The following CNTNAP2 variants were observed in gnomAD, a reference collection of about 807,000 sequenced individuals.
CNTNAP2 encodes the protein contactin-associated protein-like 2.
In CNTNAP2, 98 loss-of-function variants were observed where a neutral mutation model predicts 155.2. The observed-to-expected ratio is 0.63, with a 90% CI of 0.54 to 0.75. CNTNAP2 has a LOEUF of 0.75. Ranked by LOEUF, CNTNAP2 falls within the 30% of genes least tolerant of loss-of-function variation. The probability of loss-of-function intolerance (pLI) is 0.00; values close to 1 mark genes in which losing one functional copy is unlikely to be tolerated. For synonymous variants in CNTNAP2, 651 were observed against 631.2 expected (o/e 1.03, Z -0.47); for missense variants, 1,727 against 1,688.1 (o/e 1.02, Z -0.40).
At chr7:146,542,009 A>T (rs1180686455) in intron 1 of CNTNAP2, among the ~76,000 whole-genome samples, 1 of 151,988 alleles carries the variant, frequency 6.6e-6, no homozygotes, top group Admixed American at 6.6e-5. Flanking sequence ...TAGCCATGAA[A>T]ATAAACATTT....
chr7:147,601,861 T>C (rs1376110744), intron 12 of CNTNAP2, among the ~76,000 whole-genome samples: 1 of 151,986 alleles, frequency 6.6e-6, no homozygotes, highest in African/African-American at 2.4e-5. Flanking sequence ...TCAATCTTTT[T>C]CTGTCTCTCT....
At chr7:147,128,275 A>G (rs1159114057) in intron 6 of CNTNAP2, among the ~76,000 whole-genome samples, 3 of 152,188 alleles carry the variant, frequency 2.0e-5, no homozygotes, top group African/African-American at 7.2e-5. Flanking sequence ...CAGTTTTATC[A>G]GCTTATTAAA....
chr7:147,351,118 C>T (rs1197100547), intron 9 of CNTNAP2, among the ~76,000 whole-genome samples: 1 of 151,558 alleles, frequency 6.6e-6, no homozygotes, highest in African/African-American at 2.4e-5. Flanking sequence ...ATTTTTTCTT[C>T]TTTGCAGTGT....
intron 13 of CNTNAP2, among the ~76,000 whole-genome samples, chr7:147,862,876 T>G (rs1398658975): frequency 6.6e-6 from 1 of 152,072 alleles, no homozygotes; most frequent in Non-Finnish European, 1.5e-5. Context: ...TCCAAAGGTA[T>G]TATCCAAGAA....
chr7:147,145,538 C>A (rs1402962722), intron 8 of CNTNAP2, among the ~76,000 whole-genome samples: 5 of 152,088 alleles, frequency 3.3e-5, no homozygotes, highest in Non-Finnish European at 7.4e-5. Flanking sequence ...AAGTTGAGTG[C>A]CCCAGAGGGA....
At chr7:148,251,724 C>T (rs1234998365) in intron 20 of CNTNAP2, among the ~76,000 whole-genome samples, 8 of 152,206 alleles carry the variant, frequency 5.3e-5, no homozygotes, top group Non-Finnish European at 1.2e-4. Context: ...AATGGTGGCT[C>T]CAGCAGGTTC....
rs1270530454 is a variant in CNTNAP2, at chr7:146,908,319, A to G, written c.402+68415A>G. ...AGCGGACCTAATAGACATCTACAGA[A>G]CTCTCCACCCCAAATCAACAGAATA... On this transcript the variant is annotated intron_variant, in intron 3 of 23. Transcript: ENST00000361727. Among the ~76,000 whole-genome samples the G allele has an allele frequency of 3.4e-5, 5 of 149,106 alleles. No homozygotes were observed. In the South Asian group the frequency reaches 1.1e-3, roughly 32 times the overall value.
chr7:146,839,616 C>T (rs931496853), intron 2 of CNTNAP2, 95 bp from the exon 3 acceptor site: 2 of 1,361,196 alleles, frequency 1.5e-6, no homozygotes, highest in Non-Finnish European at 2.1e-6. Flanking sequence ...AGAGCACTGC[C>T]AAGACCAATT....
intron 1 of CNTNAP2, among the ~76,000 whole-genome samples, chr7:146,351,184 ATAAAAT>A (rs1259922157): frequency 6.6e-6 from 1 of 152,140 alleles, no homozygotes; most frequent in African/African-American, 2.4e-5. Context: ...TATAATAATA[ATAAAAT>A]TAAAAAAAAT....
intron 1 of CNTNAP2, among the ~76,000 whole-genome samples, chr7:146,757,856 G>C (rs1340572965): frequency 6.6e-6 from 1 of 151,936 alleles, no homozygotes; most frequent in Non-Finnish European, 1.5e-5. Flanking sequence ...CTCATCTCTT[G>C]GTGGCTATAT....
intron 1 of CNTNAP2, among the ~76,000 whole-genome samples, chr7:146,304,808 A>G (rs1800679182): frequency 6.6e-6 from 1 of 152,042 alleles, no homozygotes; most frequent in South Asian, 2.1e-4. Context: ...CTAAATTTGA[A>G]TGTTGGCCTG....
rs139364136 is a variant in CNTNAP2, at chr7:148,051,374, T to C, written c.2384-66744T>C. ...GCGGGAGTTGGTTGTTAAGTGGCCA[T>C]CCGGAAGTTATGCAATATGTTTTCT... On this transcript the variant is annotated intron_variant, in intron 15 of 23. Coordinates refer to ENST00000361727, the MANE Select transcript of CNTNAP2 (RefSeq NM_014141.6). Among the ~76,000 whole-genome samples, 911 of 151,928 alleles carry C rather than the reference T, an allele frequency of 6.0e-3. 12 individuals carry two copies. The highest frequency in any genetic ancestry group is 0.021 in the African/African-American group (853 of 41,478).
intron 10 of CNTNAP2, among the ~76,000 whole-genome samples, chr7:147,449,691 T>A (rs1211369534): frequency 1.3e-5 from 2 of 152,164 alleles, no homozygotes; most frequent in East Asian, 3.8e-4. Flanking sequence ...CAGTTTGATT[T>A]AAGGTGGAAA....
intron 11 of CNTNAP2, among the ~76,000 whole-genome samples, chr7:147,552,155 TC>T (rs1799864503): frequency 1.3e-5 from 2 of 152,206 alleles, no homozygotes; most frequent in African/African-American, 4.8e-5. Context: ...TCTATGGCCT[TC>T]AGTTTTGGGC....
intron 4 of CNTNAP2, among the ~76,000 whole-genome samples, chr7:147,061,579 C>G (rs1445374034): frequency 1.3e-5 from 2 of 152,146 alleles, no homozygotes; most frequent in African/African-American, 4.8e-5. Context: ...TGTATACACT[C>G]ATGTGTTCCC....
At chr7:147,548,874 A>G (rs1446758727) in intron 11 of CNTNAP2, among the ~76,000 whole-genome samples, 1 of 152,110 alleles carries the variant, frequency 6.6e-6, no homozygotes, top group East Asian at 1.9e-4. Context: ...TCGTTTCCCC[A>G]TTGCTTGTTT....
intron 8 of CNTNAP2, among the ~76,000 whole-genome samples, chr7:147,161,086 G>A (rs1055355089): frequency 6.6e-6 from 1 of 152,118 alleles, no homozygotes; most frequent in African/African-American, 2.4e-5. Flanking sequence ...TGCAAGGGGT[G>A]GGTAAGCAAG....
At chr7:146,799,983 A>G (rs1405168302) in intron 2 of CNTNAP2, among the ~76,000 whole-genome samples, 1 of 152,152 alleles carries the variant, frequency 6.6e-6, no homozygotes, top group East Asian at 1.9e-4. Context: ...GTATGAAAAT[A>G]TGAAAATATA....
intron 13 of CNTNAP2, among the ~76,000 whole-genome samples, chr7:147,894,589 T>G (rs74585344): frequency 6.6e-6 from 1 of 152,204 alleles, no homozygotes; most frequent in Non-Finnish European, 1.5e-5. Context: ...ATTGTACATA[T>G]GATAAAACTA....
Sources: gnomAD v4.1 joint callset for allele counts (sites outside exome capture counted in the v4.1 genomes callset) on GRCh38, gnomAD v4.1.1 for gene constraint, MANE v1.5 for transcripts, NCBI Gene and HGNC (gene_info 2026-07-23, HGNC 2026-07-21) for gene names.